EPHB2: variants seen among roughly 807,000 people sequenced by gnomAD.
EPHB2 encodes the protein ephrin type-B receptor 2.
Under a neutral mutation model 96.4 loss-of-function variants are expected in EPHB2, and 18 were observed. That is an observed-to-expected ratio of 0.19 (90% CI 0.13 to 0.28). The LOEUF is 0.28. Among genes scored for constraint, EPHB2 ranks in the 10% least tolerant of loss-of-function variants. The probability of loss-of-function intolerance (pLI) is 1.00; values close to 1 mark genes in which losing one functional copy is unlikely to be tolerated. For missense variants in EPHB2, 989 were observed against 1,355.4 expected, an observed-to-expected ratio of 0.73 and a Z score of 4.25; for synonymous variants, 506 against 534.1, an observed-to-expected ratio of 0.95 and a Z score of 0.72.
chr1:22,718,860 C>T (rs940786424), intron 1 of EPHB2, among the ~76,000 whole-genome samples: 7 of 152,082 alleles, frequency 4.6e-5, no homozygotes, highest in Non-Finnish European at 8.8e-5. Flanking sequence ...GGTGAGGCAG[C>T]GATTGAAACC....
chr1:22,824,787 TTTTAA>T (rs1235150317), intron 3 of EPHB2, among the ~76,000 whole-genome samples: 3 of 152,224 alleles, frequency 2.0e-5, no homozygotes, highest in Non-Finnish European at 4.4e-5. Context: ...CCTGTCGTGG[TTTTAA>T]TTTAATTTTC....
chr1:22,724,235 C>T (rs1240792587), intron 1 of EPHB2, among the ~76,000 whole-genome samples: 1 of 151,790 alleles, frequency 6.6e-6, no homozygotes, highest in East Asian at 1.9e-4. Context: ...TTCCCCCTTG[C>T]ATGTGTGTGT....
At position 22,765,564 on chromosome 1, in the gene EPHB2, C is replaced by A. The variant is rs866231218; in HGVS notation, c.62-15857C>A. 1.7e-3 allele frequency among the ~76,000 whole-genome samples: 111 copies of A among 64,826 alleles called. 1 individual carries two copies. Among genetic ancestry groups the A allele is most frequent in the African/African-American group, 5.6e-3 (92 of 16,510 alleles). 42.5% of individuals were successfully genotyped at this position (64,826 alleles called of 152,430 possible). A position where few individuals can be genotyped will look rare whatever the true frequency, so the allele number is the denominator to read the frequency against. On this transcript the variant is annotated intron_variant, in intron 1 of 15. Coordinates refer to ENST00000374630, the MANE Select transcript of EPHB2 (RefSeq NM_017449.5). ...CCTGTCGCAAAAAAAAAAAAAAAAA[C>A]ATTGAGTTCATCCCGTGAGCACCGG... is the stretch of plus-strand genomic sequence containing the variant.
intron 1 of EPHB2, among the ~76,000 whole-genome samples, chr1:22,771,107 G>A (rs934666079): frequency 3.2e-4 from 49 of 152,320 alleles, no homozygotes; most frequent in African/African-American, 1.0e-3. Context: ...TTAAGGTCTG[G>A]GTGGGCCTGG....
Position 22,906,393 on chromosome 1 carries a change from T to C in EPHB2, c.1888+284T>C, listed in dbSNP as rs2817891. Among the ~76,000 whole-genome samples the C allele has an allele frequency of 0.1, 15,188 of 152,132 alleles. 2,526 individuals are homozygous for C. The highest frequency in any genetic ancestry group is 0.34 in the African/African-American group (14,258 of 41,444). On this transcript the variant is annotated intron_variant, in intron 10 of 15. Transcript: ENST00000374630. The surrounding 1 kb of genome is among the most constrained non-coding windows in gnomAD (Gnocchi z 4.8). Reference sequence around the variant, plus strand: ...GGAGCCCAGTTCTCTGGACTCTTGGTCCAGTGCTTTTCCTTCCTCCCCCCA... The same window carrying C: ...GGAGCCCAGTTCTCTGGACTCTTGGCCCAGTGCTTTTCCTTCCTCCCCCCA...
chr1:22,834,530 T>C (rs56089435), intron 3 of EPHB2, among the ~76,000 whole-genome samples: 34,203 of 152,068 alleles, frequency 0.22, 4,045 homozygotes, highest in East Asian at 0.43. Flanking sequence ...ACAATCTCTG[T>C]TGCAACCACT....
intron 1 of EPHB2, among the ~76,000 whole-genome samples, chr1:22,772,233 G>A (rs540378943): frequency 6.6e-6 from 1 of 152,178 alleles, no homozygotes; most frequent in Non-Finnish European, 1.5e-5. Flanking sequence ...GGTTTCAGCC[G>A]GGGCGGCCAG....
chr1:22,754,778 C>T (rs1397059409), intron 1 of EPHB2, among the ~76,000 whole-genome samples: 1 of 12,344 alleles, frequency 8.1e-5, no homozygotes, highest in African/African-American at 3.7e-4. Context: ...GGCCCCAGAG[C>T]AGAAAAGAGA....
chr1:22,834,640 CA>C (rs947739632), intron 3 of EPHB2, among the ~76,000 whole-genome samples: 1 of 151,946 alleles, frequency 6.6e-6, no homozygotes, highest in African/African-American at 2.4e-5. Flanking sequence ...AAAAAAATGG[CA>C]AGGCCAGGCA....
rs537783309 is a variant in EPHB2 at position 22,807,401 on chromosome 1, C to T, written c.811+22325C>T. Among the ~76,000 whole-genome samples the T allele has an allele frequency of 2.7e-4, 41 of 152,302 alleles. No homozygotes were observed. The South Asian group carries it at 8.1e-3, about 30-fold the overall frequency. ...GATGGAGCTGCCAAGGCGCTCAGAA[C>T]GGCTTGGTGACTTGGTCAGGCATGA... On this transcript the variant is annotated intron_variant, in intron 3 of 15. Transcript: ENST00000374630.
In EPHB2 at chr1:22,910,374, T is replaced by G; in HGVS notation, c.2503-8T>G. ...ACCCAACCCCACTGCACTCCTGCAT[T>G]GTCCCAGGTAATCAATGCCATTGAG... On this transcript the variant is annotated splice_region_variant and splice_polypyrimidine_tract_variant and intron_variant, in intron 13 of 15. Coordinates refer to ENST00000374630, the MANE Select transcript of EPHB2 (RefSeq NM_017449.5). The G allele has an allele frequency of 1.2e-6, 2 of 1,614,118 alleles. No individual in the cohort carries two copies. Among genetic ancestry groups the G allele is most frequent in the Non-Finnish European group, 1.7e-6 (2 of 1,180,002 alleles).
intron 1 of EPHB2, among the ~76,000 whole-genome samples, chr1:22,727,890 G>A (rs976511640): frequency 6.7e-6 from 1 of 149,812 alleles, no homozygotes; most frequent in Non-Finnish European, 1.5e-5. Flanking sequence ...CAATCCTCCT[G>A]CCCCAGCCTC....
intron 3 of EPHB2, among the ~76,000 whole-genome samples, chr1:22,810,132 G>A (rs1187619938): frequency 6.6e-6 from 1 of 152,168 alleles, no homozygotes; most frequent in African/African-American, 2.4e-5. Context: ...AAGATCGGTG[G>A]GGTTGGGGGA....
chr1:22,886,620 C>CTTTT (rs869229952), intron 6 of EPHB2, among the ~76,000 whole-genome samples: 5 of 96,124 alleles, frequency 5.2e-5, no homozygotes, highest in Non-Finnish European at 1.0e-4. Context: ...CCAGCAGAGT[C>CTTTT]TTTTTTTTTT....
Position 22,913,533 on chromosome 1 carries a change from G to A in EPHB2, c.2924G>A (p.Arg975Gln), listed in dbSNP as rs142146570. The change falls in exon 16 of 16, where the codon CGG (arginine) becomes CAG (glutamine). Residue 975 changes from arginine (R) to glutamine (Q), a missense_variant. By Grantham distance (43) the Arg-to-Gln change is conservative. Transcript: ENST00000374630. This position sits in a 1 kb window ranked among gnomAD's most constrained non-coding sequence, Gnocchi z 4.1. ...KKILNSIQVMRAQMNQIQSVE... is the reference protein window; with the variant it reads ...KKILNSIQVMQAQMNQIQSVE... The stretch of plus-strand genomic sequence containing the variant: ...ATCCTGAACAGTATCCAGGTGATGC[G>A]GGCGCAGATGAACCAGATTCAGTCT... 45 of 1,614,150 alleles carry A rather than the reference G, an allele frequency of 2.8e-5. No individual in the cohort carries two copies. Among genetic ancestry groups the A allele is most frequent in the African/African-American group, 2.4e-4 (18 of 75,018 alleles).
intron 3 of EPHB2, among the ~76,000 whole-genome samples, chr1:22,806,476 T>C (rs529165677): frequency 7.6e-5 from 11 of 144,446 alleles, no homozygotes; most frequent in East Asian, 4.0e-4. Flanking sequence ...GATGGATGGA[T>C]GGACGGACGG....
At chr1:22,734,391 C>T (rs562972732) in intron 1 of EPHB2, among the ~76,000 whole-genome samples, 1 of 151,878 alleles carries the variant, frequency 6.6e-6, no homozygotes, top group East Asian at 1.9e-4. Flanking sequence ...GATATATACA[C>T]TCAATAAAGT....
Position 22,913,122 on chromosome 1 carries a change from G to A in EPHB2, c.2853-340G>A. On this transcript the variant is annotated intron_variant, in intron 15 of 15. Transcript: ENST00000374630. This position sits in a 1 kb window ranked among gnomAD's most constrained non-coding sequence, Gnocchi z 4.1. The stretch of plus-strand genomic sequence containing the variant: ...GCAGGGGAATTGCTTGAACCAAGGA[G>A]GTAGAGGTTGCAGTGAGCTGAGATC... 1 of 392,554 alleles carries A rather than the reference G, an allele frequency of 2.5e-6. No individual in the cohort carries two copies. The highest frequency in any genetic ancestry group is 4.8e-6 in the Non-Finnish European group (1 of 206,358). The allele number at this position is 392,554 out of a possible 1,614,324, so 24.3% of individuals were successfully genotyped here.
intron 5 of EPHB2, among the ~76,000 whole-genome samples, chr1:22,866,715 C>T (rs1013946508): frequency 6.6e-6 from 1 of 152,074 alleles, no homozygotes; most frequent in Non-Finnish European, 1.5e-5. Flanking sequence ...GGGAGGATCA[C>T]CTGAGGTCAA....
Sources: gnomAD v4.1 joint callset for allele counts (sites outside exome capture counted in the v4.1 genomes callset) on GRCh38, gnomAD v4.1.1 for gene constraint, Gnocchi (gnomAD v3.1) non-coding constraint, MANE v1.5 for transcripts, NCBI Gene and HGNC (gene_info 2026-07-23, HGNC 2026-07-21) for gene names.